ZC3H12B: variants seen among roughly 807,000 people sequenced by gnomAD.
ZC3H12B encodes the protein probable ribonuclease ZC3H12B.
In ZC3H12B, 7 loss-of-function variants were observed where a neutral mutation model predicts 43.9. That is an observed-to-expected ratio of 0.16 (90% CI 0.09 to 0.30). The LOEUF (loss-of-function observed/expected upper bound fraction) is 0.30. Ranked by LOEUF, ZC3H12B falls within the 10% of genes least tolerant of loss-of-function variation. The pLI, the probability that ZC3H12B is intolerant of heterozygous loss-of-function variation, is 1.00. For synonymous variants in ZC3H12B, 222 were observed against 241.7 expected (o/e 0.92, Z 0.76); for missense variants, 475 against 670.2 (o/e 0.71, Z 3.22).
chrX:65,338,892 A>T, the ZC3H12B span, among the ~76,000 whole-genome samples: 1 of 112,384 alleles, frequency 8.9e-6, no homozygotes, highest in Non-Finnish European at 1.9e-5. Flanking sequence ...TCTATGACAA[A>T]CCTACAGCCA....
chrX:65,441,086 A>G (rs768440999), intron 3 of ZC3H12B, among the ~76,000 whole-genome samples: 13 of 112,242 alleles, frequency 1.2e-4, no homozygotes, highest in Admixed American at 5.7e-4. Flanking sequence ...TGCCAGGGAC[A>G]TACCTCAATT....
chrX:65,383,746 C>G (rs2066478951), intron 2 of ZC3H12B, among the ~76,000 whole-genome samples: 1 of 111,001 alleles, frequency 9.0e-6, no homozygotes, highest in South Asian at 3.9e-4. Context: ...TGAACTCAAA[C>G]AAATTTACAA....
the ZC3H12B span, among the ~76,000 whole-genome samples, chrX:65,196,825 C>T: frequency 9.0e-6 from 1 of 111,411 alleles, no homozygotes; most frequent in South Asian, 3.8e-4. Context: ...GAGGTTTTAC[C>T]GGAGCCTCCT....
At chrX:65,145,245 T>TC in the ZC3H12B span, among the ~76,000 whole-genome samples, 3 of 109,838 alleles carry the variant, frequency 2.7e-5, no homozygotes, top group Non-Finnish European at 3.8e-5. Context: ...GTTTTCTTTT[T>TC]TTTTTTTTAA....
the ZC3H12B span, among the ~76,000 whole-genome samples, chrX:65,183,120 C>T: frequency 9.0e-6 from 1 of 111,646 alleles, no homozygotes; most frequent in African/African-American, 3.3e-5. Flanking sequence ...GACACATGCA[C>T]ACATATGTTC....
intron 3 of ZC3H12B, among the ~76,000 whole-genome samples, chrX:65,418,167 G>T (rs1223961803): frequency 9.0e-6 from 1 of 111,253 alleles, no homozygotes; most frequent in Admixed American, 9.5e-5. Context: ...TATACAGAAG[G>T]GGAATTTCAA....
chrX:65,491,840 A>G (rs1027815628), intron 1 of ZC3H12B, among the ~76,000 whole-genome samples: 2 of 109,924 alleles, frequency 1.8e-5, no homozygotes, highest in Non-Finnish European at 3.8e-5. Flanking sequence ...CAGGCTAGAC[A>G]GCTCCTTTGT....
chrX:65,244,466 T>G, the ZC3H12B span, among the ~76,000 whole-genome samples: 9 of 109,715 alleles, frequency 8.2e-5, no homozygotes, highest in Admixed American at 1.9e-4. Context: ...AAAAAAGTGC[T>G]AGGTGTGGTG....
the ZC3H12B span, among the ~76,000 whole-genome samples, chrX:65,328,831 G>T: frequency 1.9e-5 from 2 of 107,042 alleles, no homozygotes; most frequent in African/African-American, 6.8e-5. Flanking sequence ...AGTTTGCTGA[G>T]AATGATGGTT....
At chrX:65,039,257 C>G in the ZC3H12B span, among the ~76,000 whole-genome samples, 1 of 111,638 alleles carries the variant, frequency 9.0e-6, no homozygotes, top group South Asian at 3.7e-4. Flanking sequence ...TAGTCTGACT[C>G]ATTCGTATTT....
At chrX:65,074,699 C>G in the ZC3H12B span, among the ~76,000 whole-genome samples, 1 of 111,302 alleles carries the variant, frequency 9.0e-6, no homozygotes, top group Non-Finnish European at 1.9e-5. Context: ...TTCAAATTAC[C>G]TGTATTCGAG....
the ZC3H12B span, among the ~76,000 whole-genome samples, chrX:65,168,123 AGG>A: frequency 3.1e-3 from 345 of 111,804 alleles, 1 homozygote; most frequent in African/African-American, 0.011. Flanking sequence ...CACTTTTCAA[AGG>A]GAATGCTTCC....
chrX:65,192,734 A>T, the ZC3H12B span, among the ~76,000 whole-genome samples: 2 of 110,065 alleles, frequency 1.8e-5, no homozygotes, highest in Non-Finnish European at 3.8e-5. Context: ...TATGTTGTTT[A>T]ATTTGTTTTG....
chrX:65,065,660 C>G, the ZC3H12B span, among the ~76,000 whole-genome samples: 1 of 111,189 alleles, frequency 9.0e-6, no homozygotes. Flanking sequence ...GTGGTGTTCT[C>G]TGTATTTCCT....
chrX:65,157,180 C>T, the ZC3H12B span, among the ~76,000 whole-genome samples: 69 of 110,928 alleles, frequency 6.2e-4, no homozygotes, highest in African/African-American at 2.1e-3. Context: ...AGAGTTTTGC[C>T]ATGTTCCCCA....
chrX:65,168,990 T>C, the ZC3H12B span, among the ~76,000 whole-genome samples: 3 of 111,593 alleles, frequency 2.7e-5, no homozygotes, highest in Non-Finnish European at 5.6e-5. Context: ...AAACAAATCC[T>C]GGAGTCATTG....
chrX:65,307,748 A>G, the ZC3H12B span, among the ~76,000 whole-genome samples: 1 of 111,894 alleles, frequency 8.9e-6, no homozygotes, highest in Admixed American at 9.5e-5. Flanking sequence ...ACAAACCTAT[A>G]GTAGAATACA....
At chrX:65,282,964 C>T in the ZC3H12B span, among the ~76,000 whole-genome samples, 1 of 111,862 alleles carries the variant, frequency 8.9e-6, no homozygotes, top group South Asian at 3.8e-4. Flanking sequence ...TCCTCCCTAA[C>T]TCATTTTATG....
At chrX:65,131,568 C>T in the ZC3H12B span, among the ~76,000 whole-genome samples, 99 of 110,825 alleles carry the variant, frequency 8.9e-4, no homozygotes, top group Middle Eastern at 4.6e-3. Flanking sequence ...AGAGGAGTGG[C>T]GAAAAGATTT....
Sources: gnomAD v4.1 joint callset for allele counts (sites outside exome capture counted in the v4.1 genomes callset) on GRCh38, gnomAD v4.1.1 for gene constraint, MANE v1.5 for transcripts, NCBI Gene and HGNC (gene_info 2026-07-23, HGNC 2026-07-21) for gene names.